DOCK3: variants seen among roughly 807,000 people sequenced by gnomAD.
DOCK3 encodes the protein dedicator of cytokinesis 3, also known as dedicator of cytokinesis protein 3.
Under a neutral mutation model 265.6 loss-of-function variants are expected in DOCK3, and 60 were observed. The observed-to-expected ratio is 0.23, with a 90% CI of 0.18 to 0.28. The LOEUF is 0.28. Among genes scored for constraint, DOCK3 ranks in the 10% least tolerant of loss-of-function variants. The pLI is 1.00. For synonymous variants in DOCK3, 881 were observed against 938.0 expected (o/e 0.94, Z 1.11); for missense variants, 1,981 against 2,594.3 (o/e 0.76, Z 5.14).
intron 38 of DOCK3, among the ~76,000 whole-genome samples, chr3:51,343,719 C>T (rs770864522): frequency 6.6e-6 from 1 of 152,218 alleles, no homozygotes; most frequent in Non-Finnish European, 1.5e-5. Flanking sequence ...TGTTCCAGTA[C>T]ACCCCTCAAA....
intron 9 of DOCK3, among the ~76,000 whole-genome samples, chr3:51,098,529 T>A (rs1293840512): frequency 6.6e-6 from 1 of 152,208 alleles, no homozygotes; most frequent in African/African-American, 2.4e-5. Context: ...TAGGGGACCC[T>A]GGAGATAAAT....
At chr3:50,731,015 C>G (rs2038176377) in intron 1 of DOCK3, among the ~76,000 whole-genome samples, 1 of 151,226 alleles carries the variant, frequency 6.6e-6, no homozygotes, top group African/African-American at 2.4e-5. Flanking sequence ...GCCTATAGTC[C>G]CAGCTACTTG....
intron 3 of DOCK3, among the ~76,000 whole-genome samples, chr3:50,883,344 A>G (rs1370361822): frequency 6.6e-6 from 1 of 152,240 alleles, no homozygotes; most frequent in African/African-American, 2.4e-5. Flanking sequence ...TTTATAAAAA[A>G]AAATGTTTGC....
intron 2 of DOCK3, among the ~76,000 whole-genome samples, chr3:50,806,940 C>G (rs1461170927): frequency 6.6e-6 from 1 of 152,082 alleles, no homozygotes; most frequent in Non-Finnish European, 1.5e-5. Flanking sequence ...GACTGTAGGC[C>G]TTTGCAGTGG....
At chr3:50,703,016 T>A (rs909489091) in intron 1 of DOCK3, among the ~76,000 whole-genome samples, 4 of 152,188 alleles carry the variant, frequency 2.6e-5, no homozygotes, top group African/African-American at 9.7e-5. Flanking sequence ...GTTTTATTCC[T>A]TCTATGCCTG....
chr3:51,242,665 A>T (rs2078661071), intron 21 of DOCK3, among the ~76,000 whole-genome samples: 1 of 151,894 alleles, frequency 6.6e-6, no homozygotes, highest in Admixed American at 6.6e-5. Flanking sequence ...ATAGGGGAGG[A>T]TCTGCTATTC....
At chr3:51,320,791 G>A (rs2083667617) in intron 32 of DOCK3, among the ~76,000 whole-genome samples, 1 of 152,174 alleles carries the variant, frequency 6.6e-6, no homozygotes, top group Non-Finnish European at 1.5e-5. Context: ...TCCTCTCTGG[G>A]CAGGGCATCT....
intron 5 of DOCK3, among the ~76,000 whole-genome samples, chr3:50,998,030 CTGAGA>C (rs1455443741): frequency 3.3e-5 from 5 of 152,140 alleles, no homozygotes; most frequent in African/African-American, 1.2e-4. Flanking sequence ...TACAAACTTT[CTGAGA>C]TGAGTAATAT....
intron 9 of DOCK3, among the ~76,000 whole-genome samples, chr3:51,114,809 C>G (rs1402390926): frequency 1.3e-5 from 2 of 151,986 alleles, no homozygotes; most frequent in Non-Finnish European, 1.5e-5. Context: ...CCCTTGCCCC[C>G]CAACCCCCAA....
chr3:50,896,598 T>C (rs1333157343), intron 4 of DOCK3, among the ~76,000 whole-genome samples: 1 of 152,176 alleles, frequency 6.6e-6, no homozygotes, highest in Non-Finnish European at 1.5e-5. Context: ...TAGGTTTTTT[T>C]CTAGGGTTTT....
chr3:51,074,180 G>A (rs1303093856), intron 6 of DOCK3, among the ~76,000 whole-genome samples: 1 of 152,138 alleles, frequency 6.6e-6, no homozygotes, highest in Non-Finnish European at 1.5e-5. Flanking sequence ...GGTGGTCACA[G>A]AGCATCTCCA....
chr3:50,779,397 T>A (rs2041798223), intron 2 of DOCK3, among the ~76,000 whole-genome samples: 1 of 152,168 alleles, frequency 6.6e-6, no homozygotes, highest in African/African-American at 2.4e-5. Flanking sequence ...ATTTATTTTT[T>A]TTTGAGAGGG....
At chr3:50,736,234 C>T (rs2038600102) in intron 1 of DOCK3, among the ~76,000 whole-genome samples, 1 of 152,178 alleles carries the variant, frequency 6.6e-6, no homozygotes, top group Non-Finnish European at 1.5e-5. Flanking sequence ...ATGAACTCAT[C>T]CTTTTTTATG....
intron 3 of DOCK3, among the ~76,000 whole-genome samples, chr3:50,882,218 T>G (rs2048080749): frequency 6.6e-6 from 1 of 152,132 alleles, no homozygotes; most frequent in African/African-American, 2.4e-5. Flanking sequence ...AAGGACTTCA[T>G]GATTAAAACA....
intron 9 of DOCK3, among the ~76,000 whole-genome samples, chr3:51,111,220 AG>A (rs1454872363): frequency 6.6e-6 from 1 of 152,242 alleles, no homozygotes; most frequent in Non-Finnish European, 1.5e-5. Flanking sequence ...GCTCATGGAT[AG>A]GAAGAATCAG....
intron 2 of DOCK3, among the ~76,000 whole-genome samples, chr3:50,802,744 A>G (rs2043138588): frequency 6.6e-6 from 1 of 152,026 alleles, no homozygotes; most frequent in Non-Finnish European, 1.5e-5. Context: ...GATATATAAT[A>G]TATGTCTCTC....
chr3:50,723,242 C>T (rs769242337), intron 1 of DOCK3, among the ~76,000 whole-genome samples: 6 of 152,014 alleles, frequency 3.9e-5, no homozygotes, highest in Non-Finnish European at 7.4e-5. Context: ...CATACCAAAC[C>T]GTAAAAAGAA....
chr3:51,245,638 G>A (rs11715606), intron 21 of DOCK3, among the ~76,000 whole-genome samples: 124,812 of 151,844 alleles, frequency 0.82, 51,871 homozygotes, highest in Middle Eastern at 0.9. Flanking sequence ...TGATCCACCC[G>A]CCTCAGCCTC....
intron 5 of DOCK3, among the ~76,000 whole-genome samples, chr3:50,958,313 C>T (rs543442091): frequency 2.0e-5 from 3 of 152,302 alleles, no homozygotes; most frequent in East Asian, 1.9e-4. Context: ...CTTGCAGTTT[C>T]GCAAAAATTA....
Sources: allele counts gnomAD v4.1 joint callset (sites outside exome capture counted in the v4.1 genomes callset), GRCh38; gene constraint gnomAD v4.1.1; transcripts MANE v1.5; gene names NCBI Gene and HGNC (gene_info 2026-07-23, HGNC 2026-07-21).